The following RBFOX1 variants were observed in gnomAD, a reference collection of about 807,000 sequenced individuals.
RBFOX1 encodes the protein RNA binding fox-1 homolog 1.
In RBFOX1, 8 loss-of-function variants were observed where a neutral mutation model predicts 57.7. That is an observed-to-expected ratio of 0.14 (90% confidence interval 0.08 to 0.25). RBFOX1 has a LOEUF of 0.25. Among genes scored for constraint, RBFOX1 ranks in the 10% least tolerant of loss-of-function variants. The pLI is 1.00. For missense variants in RBFOX1, 611 were observed against 548.5 expected (o/e 1.11, Z -1.14); for synonymous variants, 326 against 222.4 (o/e 1.47, Z -4.15).
chr16:7,042,398 C>T (rs1025845154), intron 3 of RBFOX1, among the ~76,000 whole-genome samples: 11 of 152,152 alleles, frequency 7.2e-5, no homozygotes, highest in Non-Finnish European at 1.2e-4. Flanking sequence ...TGGTAATTCC[C>T]TCTTGAATAT....
At chr16:7,192,028 A>G (rs772255811) in intron 4 of RBFOX1, among the ~76,000 whole-genome samples, 3 of 152,222 alleles carry the variant, frequency 2.0e-5, no homozygotes, top group African/African-American at 7.2e-5. Flanking sequence ...ATTTTATTAG[A>G]GGGAAACAGT....
Position 7,460,389 on chromosome 16 carries a change from A to ATATATATATATGTG in RBFOX1, c.28-57757_28-57756insATATATATATGTGT. ...TAGCAAAATATATATATATATATAT[A>ATATATATATATGTG]TGTGTGTGTGTGTGTGTGTGTGTGT... On this transcript the variant is annotated intron_variant, in intron 4 of 15. Transcript: ENST00000550418. 1.9e-3 allele frequency among the ~76,000 whole-genome samples: 166 copies of ATATATATATATGTG among 87,202 alleles called. 4 individuals carry two copies. The highest frequency in any genetic ancestry group is 4.3e-3 in the African/African-American group (66 of 15,362). The allele number at this position is 87,202 out of a possible 152,430, so 57.2% of individuals were successfully genotyped here.
chr16:5,426,183 G>A (rs1165795542), intron 1 of RBFOX1, among the ~76,000 whole-genome samples: 2 of 152,084 alleles, frequency 1.3e-5, no homozygotes, highest in Admixed American at 6.5e-5. Flanking sequence ...GAACCTGCCC[G>A]GTGCAATTGC....
chr16:6,500,896 T>TGTTTGTTTGTTTGTTAG (rs796099960), intron 2 of RBFOX1, among the ~76,000 whole-genome samples: 1 of 142,332 alleles, frequency 7.0e-6, no homozygotes, highest in South Asian at 2.2e-4. Context: ...TTTTTTTTTT[T>TGTTTGTTTGTTTGTTAG]TTTTTAATGC....
At chr16:6,165,212 A>G (rs905200387) in intron 1 of RBFOX1, among the ~76,000 whole-genome samples, 8 of 152,236 alleles carry the variant, frequency 5.3e-5, no homozygotes, top group African/African-American at 1.9e-4. Context: ...GAACAAGATA[A>G]TGTAAAATGA....
intron 3 of RBFOX1, among the ~76,000 whole-genome samples, chr16:6,948,721 G>C (rs1181037791): frequency 6.6e-6 from 1 of 151,992 alleles, no homozygotes; most frequent in Non-Finnish European, 1.5e-5. Flanking sequence ...TCCATCATTT[G>C]ACTATGTTTT....
chr16:5,890,418 G>C (rs946958933), intron 4 of RBFOX1, among the ~76,000 whole-genome samples: 2 of 152,138 alleles, frequency 1.3e-5, no homozygotes, highest in African/African-American at 2.4e-5. Flanking sequence ...AGAAGTGAAG[G>C]CTGGGCGCAG....
intron 1 of RBFOX1, among the ~76,000 whole-genome samples, chr16:5,254,156 T>A (rs552832787): frequency 6.0e-4 from 91 of 152,346 alleles, no homozygotes; most frequent in African/African-American, 2.2e-3. Context: ...CATGCCCATT[T>A]TACAGATGAG....
chr16:6,744,514 C>A lies in RBFOX1; in HGVS notation c.-16+89864C>A, dbSNP rs565487132. Among the ~76,000 whole-genome samples, 3 of 151,832 alleles carry A rather than the reference C, an allele frequency of 2.0e-5. No homozygotes were observed. In the South Asian group the frequency reaches 6.2e-4, roughly 32 times the overall value. Reference sequence around the variant, plus strand: ...GTTATTTCTCCAATCGCAGTGGAATCAAACTAGAAATAAATGACAGAAATA... The same window carrying A: ...GTTATTTCTCCAATCGCAGTGGAATAAAACTAGAAATAAATGACAGAAATA... On this transcript the variant is annotated intron_variant, in intron 3 of 15. Coordinates refer to ENST00000550418, the MANE Select transcript of RBFOX1 (RefSeq NM_018723.4).
chr16:7,150,227 A>G (rs1041004567), intron 4 of RBFOX1, among the ~76,000 whole-genome samples: 7 of 152,184 alleles, frequency 4.6e-5, no homozygotes, highest in Admixed American at 2.6e-4. Flanking sequence ...TTGGCTGGCA[A>G]CCATTTAAAT....
intron 3 of RBFOX1, among the ~76,000 whole-genome samples, chr16:6,934,206 G>C (rs78207430): frequency 0.05 from 7,648 of 152,216 alleles, 607 homozygotes; most frequent in African/African-American, 0.17. Flanking sequence ...CTGGTCTAGG[G>C]ATTCTTGCTA....
intron 3 of RBFOX1, among the ~76,000 whole-genome samples, chr16:6,738,637 T>A (rs774742006): frequency 1.3e-5 from 2 of 152,178 alleles, no homozygotes; most frequent in African/African-American, 2.4e-5. Flanking sequence ...ACCAACAAGA[T>A]GTCATTGACA....
chr16:7,003,969 C>A (rs2093067905), intron 3 of RBFOX1: 1 of 149,446 alleles, frequency 6.7e-6, no homozygotes, highest in African/African-American at 2.5e-5. Context: ...ATCCCATTTT[C>A]CCAGGGTAGA....
In RBFOX1 at chr16:7,576,598, G is replaced by A. The variant is rs149002519; in HGVS notation, c.271-3179G>A. ...CATACACTACAAAATGATTAATTGA[G>A]CGTTGTATGTTTTTATCAAAGGAAA... On this transcript the variant is annotated intron_variant, in intron 5 of 15. Coordinates refer to ENST00000550418, the MANE Select transcript of RBFOX1 (RefSeq NM_018723.4). Among the ~76,000 whole-genome samples, 740 of 152,266 alleles carry A rather than the reference G, an allele frequency of 4.9e-3. 4 individuals carry two copies. The highest frequency in any genetic ancestry group is 0.017 in the African/African-American group (687 of 41,556).
At chr16:5,809,580 A>G (rs111519201) in intron 3 of RBFOX1, among the ~76,000 whole-genome samples, 7,663 of 152,332 alleles carry the variant, frequency 0.05, 229 homozygotes, top group Middle Eastern at 0.078. Context: ...AAAAATGCTC[A>G]CCATCACGGG....
At chr16:7,196,250 T>A (rs977925770) in intron 4 of RBFOX1, among the ~76,000 whole-genome samples, 1 of 152,170 alleles carries the variant, frequency 6.6e-6, no homozygotes, top group Non-Finnish European at 1.5e-5. Context: ...AGTGCTTGTG[T>A]GCATGGTGAA....
rs2094172538 is a variant in RBFOX1, at chr16:7,587,149, AAG to A, written c.415-94_415-93del. 4 of 1,291,776 alleles carry A rather than the reference AAG, an allele frequency of 3.1e-6. No homozygotes were observed. The Admixed American group carries it at 1.3e-4, about 42-fold the overall frequency. The allele number at this position is 1,291,776 out of a possible 1,614,324, so 80.0% of individuals were successfully genotyped here. A position where few individuals can be genotyped will look rare whatever the true frequency, so the allele number is the denominator to read the frequency against. ...ATAAAATGTGTATCCTTGGTATTAA[AAG>A]AGAAAAAAATGGACGTGGGAAACAA... On this transcript the variant is annotated intron_variant, in intron 6 of 15. Transcript: ENST00000550418.
intron 4 of RBFOX1, among the ~76,000 whole-genome samples, chr16:7,089,865 G>T (rs2060538577): frequency 1.3e-5 from 2 of 151,452 alleles, no homozygotes; most frequent in African/African-American, 4.9e-5. Context: ...CCTTTCCTGT[G>T]CTCAAGTATT....
intron 1 of RBFOX1, among the ~76,000 whole-genome samples, chr16:5,414,488 C>T (rs2067108346): frequency 6.6e-6 from 1 of 152,174 alleles, no homozygotes; most frequent in Admixed American, 6.5e-5. Context: ...CTATGAGCCT[C>T]TGCCTGTGGG....
Sources: gnomAD v4.1 joint callset for allele counts (sites outside exome capture counted in the v4.1 genomes callset) on GRCh38, gnomAD v4.1.1 for gene constraint, MANE v1.5 for transcripts, NCBI Gene and HGNC (gene_info 2026-07-23, HGNC 2026-07-21) for gene names.